CDC27: variants seen among roughly 807,000 people sequenced by gnomAD.
The protein encoded by CDC27 is cell division cycle 27.
CDC27 carries 27 observed loss-of-function variants against 109.7 expected under a neutral mutation model. That is an observed-to-expected ratio of 0.25 (90% CI 0.18 to 0.34). CDC27 has a LOEUF of 0.34. Among genes scored for constraint, CDC27 ranks in the 10% least tolerant of loss-of-function variants. The probability of loss-of-function intolerance (pLI) is 1.00; values close to 1 mark genes in which losing one functional copy is unlikely to be tolerated. For missense variants in CDC27, 579 were observed against 960.2 expected, an observed-to-expected ratio of 0.60 and a Z score of 5.25; for synonymous variants, 266 against 333.9, an observed-to-expected ratio of 0.80 and a Z score of 2.22.
Position 47,137,442 on chromosome 17 carries a change from C to T in CDC27, c.1705-82G>A, listed in dbSNP as rs564836995. The stretch of plus-strand genomic sequence containing the variant: ...CAAATCTATGACTAAAATCAAGCCT[C>T]AACTTAGAACAGAAAGACAAAAATG... On this transcript the variant is annotated intron_variant, in intron 13 of 18. Transcript: ENST00000066544. 2.9e-5 allele frequency: 21 copies of T among 714,582 alleles called. No individual in the cohort carries two copies. The East Asian group carries it at 5.8e-4, about 20-fold the overall frequency. 44.3% of individuals were successfully genotyped at this position (714,582 alleles called of 1,614,324 possible). A position where few individuals can be genotyped will look rare whatever the true frequency, so the allele number is the denominator to read the frequency against.
chr17:47,177,730 C>G (rs981066957), intron 2 of CDC27, among the ~76,000 whole-genome samples: 1 of 152,096 alleles, frequency 6.6e-6, no homozygotes, highest in African/African-American at 2.4e-5. Flanking sequence ...CTTTCTTTTC[C>G]TTTCACTAGT....
At chr17:47,143,255 C>T (rs8075445) in intron 10 of CDC27, among the ~76,000 whole-genome samples, 2,139 of 152,266 alleles carry the variant, frequency 0.014, 49 homozygotes, top group African/African-American at 0.049. Flanking sequence ...TGAGCCACTG[C>T]GTCCGCCGGG....
At chr17:47,172,502 A>G (rs570550613) in intron 2 of CDC27, among the ~76,000 whole-genome samples, 138 of 152,312 alleles carry the variant, frequency 9.1e-4, no homozygotes, top group Non-Finnish European at 1.7e-3. Context: ...AATAATTTCT[A>G]TATTTTAAAA....
chr17:47,122,342 T>A, intron 18 of CDC27, 102 bp downstream of exon 18: 1 of 826,562 alleles, frequency 1.2e-6, no homozygotes, highest in Non-Finnish European at 1.8e-6. Context: ...TTTGGTATAA[T>A]GAAAACACCA....
intron 15 of CDC27, among the ~76,000 whole-genome samples, chr17:47,131,091 ACT>A (rs1426684121): frequency 6.6e-6 from 1 of 151,874 alleles, no homozygotes; most frequent in African/African-American, 2.4e-5. Flanking sequence ...AGAAAAGCTT[ACT>A]CTCTTACCTG....
intron 14 of CDC27, 86 bp downstream of exon 14, chr17:47,137,063 CATG>C (rs1288811204): frequency 3.1e-6 from 2 of 644,746 alleles, no homozygotes; most frequent in Admixed American, 3.6e-5. Flanking sequence ...TAACCAAATT[CATG>C]ATAATAAAGA....
intron 8 of CDC27, among the ~76,000 whole-genome samples, chr17:47,153,405 A>G (rs894296255): frequency 2.0e-5 from 3 of 152,212 alleles, no homozygotes; most frequent in Non-Finnish European, 2.9e-5. Context: ...TGCCTTCTTC[A>G]TAACTGTAAT....
chr17:47,181,546 T>C lies in CDC27; in HGVS notation c.103+16A>G. On this transcript the variant is annotated intron_variant, in intron 2 of 18. Coordinates refer to ENST00000066544, the MANE Select transcript of CDC27 (RefSeq NM_001256.6). ...TTATTCATTTATCATTCTACAGCAA[T>C]GAATAGATTTCAAACCTTCTGCATA... 2 of 1,458,262 alleles carry C rather than the reference T, an allele frequency of 1.4e-6. No homozygotes were observed. The highest frequency in any genetic ancestry group is 2.3e-5 in the East Asian group (1 of 44,072). 90.3% of individuals were successfully genotyped at this position (1,458,262 alleles called of 1,614,324 possible).
chr17:47,159,864 T>G (rs532536622), intron 4 of CDC27: 11 of 458,212 alleles, frequency 2.4e-5, no homozygotes, highest in Non-Finnish European at 4.3e-5. Context: ...TTCATGTCCT[T>G]GACCAGGAGC....
At chr17:47,166,053 A>G (rs1441139228) in intron 4 of CDC27, among the ~76,000 whole-genome samples, 1 of 152,180 alleles carries the variant, frequency 6.6e-6, no homozygotes, top group Non-Finnish European at 1.5e-5. Context: ...GAGAAATAGT[A>G]TTATTTTTAT....
At position 47,129,451 on chromosome 17, in the gene CDC27, T is replaced by C. The variant is rs1238553519; in HGVS notation, c.2102A>G (p.Lys701Arg). 1.9e-6 allele frequency: 3 copies of C among 1,610,854 alleles called. No individual in the cohort carries two copies. Among genetic ancestry groups the C allele is most frequent in the South Asian group, 1.1e-5 (1 of 90,984 alleles). Reference sequence around the variant, plus strand: ...TCTGTGAAATTTGCATAGAGGGTTCTTGGGATCAATGACAATGGCTTTGTT... The same window carrying C: ...TCTGTGAAATTTGCATAGAGGGTTCCTGGGATCAATGACAATGGCTTTGTT... ...TLNKAIVIDP[K>R]NPLCKFHRAS... is the part of the protein sequence containing the mutation. Residue 701 changes from lysine (K) to arginine (R), a missense_variant, in exon 16 of 19, where the codon AAG becomes AGG. Around this residue, in one of 9 missense-constraint regions of CDC27, gnomAD observed 227 missense variants for 363.6 expected, o/e 0.62. Coordinates refer to ENST00000066544, the MANE Select transcript of CDC27 (RefSeq NM_001256.6).
At chr17:47,137,409 T>C in intron 13 of CDC27, 49 bp from the exon 14 acceptor site, 1 of 1,186,634 alleles carries the variant, frequency 8.4e-7, no homozygotes. Context: ...TTTTACTTTT[T>C]CTAAAACCAA....
At chr17:47,140,472 G>A (rs894996957) in intron 12 of CDC27, among the ~76,000 whole-genome samples, 2 of 152,098 alleles carry the variant, frequency 1.3e-5, no homozygotes, top group African/African-American at 4.8e-5. Flanking sequence ...ATATAGGTAG[G>A]TACCTTTTGG....
chr17:47,153,590 A>G (rs932424604), intron 8 of CDC27, among the ~76,000 whole-genome samples: 3 of 152,234 alleles, frequency 2.0e-5, no homozygotes, highest in African/African-American at 7.2e-5. Flanking sequence ...TATTAAGGTA[A>G]AGAGAGTATA....
At chr17:47,133,064 C>CAT (rs1568374680) in intron 14 of CDC27, among the ~76,000 whole-genome samples, 1 of 56,970 alleles carries the variant, frequency 1.8e-5, no homozygotes, top group Non-Finnish European at 3.3e-5. Flanking sequence ...CATACATATA[C>CAT]ACACACACAC....
rs2061916907 is a variant in CDC27, at chr17:47,118,288, T to C, written c.*2647A>G. ...TACAACAGCAGCATGGTTCAAATGT[T>C]ACTTGTAGTTCTCGGAAAAATTAAA... On this transcript the variant is annotated 3_prime_UTR_variant, in exon 19 of 19. Coordinates refer to ENST00000066544, the MANE Select transcript of CDC27 (RefSeq NM_001256.6). 6.6e-6 allele frequency: 1 copy of C among 152,404 alleles called. No individual in the cohort carries two copies. Among genetic ancestry groups the C allele is most frequent in the Non-Finnish European group, 1.5e-5 (1 of 68,032 alleles). The allele number at this position is 152,404 out of a possible 1,614,324, so 9.4% of individuals were successfully genotyped here. A position where few individuals can be genotyped will look rare whatever the true frequency, so the allele number is the denominator to read the frequency against.
intron 8 of CDC27, among the ~76,000 whole-genome samples, chr17:47,152,903 G>C (rs2063192201): frequency 6.6e-6 from 1 of 151,952 alleles, no homozygotes; most frequent in Non-Finnish European, 1.5e-5. Flanking sequence ...GTTCTCCTTA[G>C]CTACTCTTTC....
intron 2 of CDC27, among the ~76,000 whole-genome samples, chr17:47,174,002 G>A (rs549356748): frequency 6.6e-6 from 1 of 152,256 alleles, no homozygotes; most frequent in Non-Finnish European, 1.5e-5. Flanking sequence ...GCTGAGGCAG[G>A]AGAATCGCCT....
intron 9 of CDC27, among the ~76,000 whole-genome samples, chr17:47,149,588 G>T (rs2063092209): frequency 6.6e-6 from 1 of 151,688 alleles, no homozygotes; most frequent in Admixed American, 6.6e-5. Flanking sequence ...TCGCAATCTG[G>T]ATCTATAGAA....
Sources: allele counts gnomAD v4.1 joint callset (sites outside exome capture counted in the v4.1 genomes callset), GRCh38; gene constraint gnomAD v4.1.1; regional missense constraint gnomAD v4.1.1; transcripts MANE v1.5; gene names NCBI Gene and HGNC (gene_info 2026-07-23, HGNC 2026-07-21).